The following SYT5 variants were observed in gnomAD, a reference collection of about 807,000 sequenced individuals.
SYT5 encodes the protein synaptotagmin 5.
A neutral mutation model predicts 36.0 loss-of-function variants in SYT5; 29 were observed. The observed-to-expected ratio is 0.81, with a 90% CI of 0.60 to 1.10. The LOEUF (loss-of-function observed/expected upper bound fraction) is 1.10, where lower values mean the gene tolerates loss of function less well. Ranked by LOEUF, SYT5 falls within the 50% of genes least tolerant of loss-of-function variation. The pLI, the probability that SYT5 is intolerant of heterozygous loss-of-function variation, is 0.00. For synonymous variants in SYT5, 231 were observed against 227.6 expected (o/e 1.02, Z -0.14); for missense variants, 512 against 516.0 (o/e 0.99, Z 0.08).
chr19:55,178,121 A>G, intron 3 of SYT5, 75 bp downstream of exon 3: 1 of 1,509,416 alleles, frequency 6.6e-7, no homozygotes, highest in Non-Finnish European at 8.9e-7. Context: ...GGGAGCAGGG[A>G]CTGGGACCAG....
intron 3 of SYT5, 57 bp from the exon 4 acceptor site, chr19:55,176,181 A>G: frequency 6.2e-7 from 1 of 1,609,872 alleles, no homozygotes; most frequent in Non-Finnish European, 8.5e-7. Context: ...AGTATCCATC[A>G]GGCTCAGAAG....
In SYT5 at chr19:55,175,138, G is replaced by A; in HGVS notation, c.708+34C>T. The stretch of plus-strand genomic sequence containing the variant: ...ATGTTGTGGGCGGGACTGGGCCTGG[G>A]GGCGTGGCTCGGGGCGCGACCGCGC... On this transcript the variant is annotated intron_variant, in intron 6 of 8. Coordinates refer to ENST00000354308, the MANE Select transcript of SYT5 (RefSeq NM_003180.3). This position sits in a 1 kb window ranked among gnomAD's most constrained non-coding sequence, Gnocchi z 4.5. 1 of 1,580,488 alleles carries A rather than the reference G, an allele frequency of 6.3e-7. No homozygotes were observed. Among genetic ancestry groups the A allele is most frequent in the Non-Finnish European group, 8.6e-7 (1 of 1,167,698 alleles).
Position 55,179,077 on chromosome 19 carries a change from C to A in SYT5, c.-36G>T. 6.3e-7 allele frequency: 1 copy of A among 1,582,588 alleles called. No individual in the cohort carries two copies. Among genetic ancestry groups the A allele is most frequent in the Non-Finnish European group, 8.6e-7 (1 of 1,166,506 alleles). ...TCCTGGAGTCTTTTCTGCAGAGACACTCAAGCACCCTAGTCCCCCATTCCC... is the reference window on the plus strand; with the variant it reads ...TCCTGGAGTCTTTTCTGCAGAGACAATCAAGCACCCTAGTCCCCCATTCCC... On this transcript the variant is annotated 5_prime_UTR_variant, in exon 2 of 9. Transcript: ENST00000354308. The surrounding 1 kb of genome is among the most constrained non-coding windows in gnomAD (Gnocchi z 4.5).
intron 3 of SYT5, 52 bp from the exon 4 acceptor site, chr19:55,176,176 C>T (rs2086075309): frequency 6.2e-7 from 1 of 1,610,838 alleles, no homozygotes; most frequent in Non-Finnish European, 8.5e-7. Context: ...ATAGCAGTAT[C>T]CATCAGGCTC....
Position 55,179,434 on chromosome 19 carries a change from G to A in SYT5, c.-45-348C>T. 2 of 424,148 alleles carry A rather than the reference G, an allele frequency of 4.7e-6. No individual in the cohort carries two copies. Among genetic ancestry groups the A allele is most frequent in the Non-Finnish European group, 8.1e-6 (2 of 246,588 alleles). 26.3% of individuals were successfully genotyped at this position (424,148 alleles called of 1,614,324 possible). A position where few individuals can be genotyped will look rare whatever the true frequency, so the allele number is the denominator to read the frequency against. ...GCCGGGCTCCTCTCAAGCGGGGTGAGAGCAAAGCTGGTTGCCCGGGCAACG... is the reference window on the plus strand; with the variant it reads ...GCCGGGCTCCTCTCAAGCGGGGTGAAAGCAAAGCTGGTTGCCCGGGCAACG... On this transcript the variant is annotated intron_variant, in intron 1 of 8. Transcript: ENST00000354308. The surrounding 1 kb of genome is among the most constrained non-coding windows in gnomAD (Gnocchi z 4.5).
intron 3 of SYT5, chr19:55,177,604 GCT>G (rs1568878854): frequency 6.6e-6 from 1 of 151,964 alleles, no homozygotes; most frequent in African/African-American, 2.4e-5. Flanking sequence ...ACAGAGTCTC[GCT>G]CTGTCACCCA....
chr19:55,178,375 AG>A lies in SYT5; in HGVS notation c.80-8del, dbSNP rs767431080. Reference sequence around the variant, plus strand: ...GCCAGGGCCCAGGGGGGCACTGCAGAGGGGTGGAGACAACACACATTGAGGC... The same window carrying A: ...GCCAGGGCCCAGGGGGGCACTGCAGAGGGTGGAGACAACACACATTGAGGC... On this transcript the variant is annotated splice_polypyrimidine_tract_variant and splice_region_variant and intron_variant, in intron 2 of 8. Transcript: ENST00000354308. 1 of 1,608,012 alleles carries A rather than the reference AG, an allele frequency of 6.2e-7. No individual in the cohort carries two copies. The highest frequency in any genetic ancestry group is 1.1e-5 in the South Asian group (1 of 89,412).
chr19:55,177,197 A>G (rs2086086014), intron 3 of SYT5: 1 of 152,274 alleles, frequency 6.6e-6, no homozygotes, highest in Admixed American at 6.5e-5. Flanking sequence ...TGCTCAAAAC[A>G]TATTTGTAGC....
intron 3 of SYT5, 114 bp downstream of exon 3, chr19:55,178,082 C>CCACA (rs2086096793): frequency 1.7e-5 from 20 of 1,211,968 alleles, no homozygotes; most frequent in Non-Finnish European, 2.3e-5. Flanking sequence ...GGAGGATGAG[C>CCACA]CAGTAAGGTG....
chr19:55,178,449 G>A lies in SYT5; in HGVS notation c.80-81C>T, dbSNP rs187417658. ...CAGTCCTGATTACACGTGGAAGCTG[G>A]AATGCTGGCCTCCTTTTCCCTCCAG... is the stretch of plus-strand genomic sequence containing the variant. On this transcript the variant is annotated intron_variant, in intron 2 of 8. Transcript: ENST00000354308. 1.6e-4 allele frequency: 233 copies of A among 1,439,058 alleles called. No individual in the cohort carries two copies. The African/African-American group carries it at 2.0e-3, about 12-fold the overall frequency. The allele number at this position is 1,439,058 out of a possible 1,614,324, so 89.1% of individuals were successfully genotyped here.
Position 55,180,235 on chromosome 19 carries a change from G to T in SYT5, c.-164C>A, listed in dbSNP as rs2086139733. 6.6e-6 allele frequency: 1 copy of T among 152,454 alleles called. No individual in the cohort carries two copies. Among genetic ancestry groups the T allele is most frequent in the African/African-American group, 2.4e-5 (1 of 41,468 alleles). 9.4% of individuals were successfully genotyped at this position (152,454 alleles called of 1,614,324 possible). ...CGGGTGCTGATCGCGGAGCTCTCCG[G>T]GGCGGGGGAGCCGCGGAGCGGAGCA... is the stretch of plus-strand genomic sequence containing the variant. On this transcript the variant is annotated 5_prime_UTR_variant, in exon 1 of 9. Coordinates refer to ENST00000354308, the MANE Select transcript of SYT5 (RefSeq NM_003180.3).
chr19:55,175,559 T>A lies in SYT5; in HGVS notation c.540+150A>T. On this transcript the variant is annotated intron_variant, in intron 5 of 8. Coordinates refer to ENST00000354308, the MANE Select transcript of SYT5 (RefSeq NM_003180.3). The surrounding 1 kb of genome is among the most constrained non-coding windows in gnomAD (Gnocchi z 4.5). ...GACCAGGCTACAGCCCAGGAGTCAG[T>A]AGTGCCCAGGGTCCAGTGGAATAGC... 8.5e-7 allele frequency: 1 copy of A among 1,171,044 alleles called. No homozygotes were observed. The highest frequency in any genetic ancestry group is 1.2e-6 in the Non-Finnish European group (1 of 830,346). 72.5% of individuals were successfully genotyped at this position (1,171,044 alleles called of 1,614,324 possible).
In SYT5 at chr19:55,175,161, C is replaced by T; in HGVS notation, c.708+11G>A. 6.3e-7 allele frequency: 1 copy of T among 1,589,266 alleles called. No homozygotes were observed. Among genetic ancestry groups the T allele is most frequent in the Non-Finnish European group, 8.5e-7 (1 of 1,171,244 alleles). On this transcript the variant is annotated intron_variant, in intron 6 of 8. Coordinates refer to ENST00000354308, the MANE Select transcript of SYT5 (RefSeq NM_003180.3). This position sits in a 1 kb window ranked among gnomAD's most constrained non-coding sequence, Gnocchi z 4.5. ...GGGGGCGTGGCTCGGGGCGCGACCG[C>T]GCATGCTCACCTCCTCCCGCGGAGC... is the stretch of plus-strand genomic sequence containing the variant.
At chr19:55,178,825 C>G (rs1599948280) in intron 2 of SYT5, 138 bp downstream of exon 2, 1 of 579,040 alleles carries the variant, frequency 1.7e-6, no homozygotes, top group Admixed American at 7.1e-5. Flanking sequence ...CGTTCGCATT[C>G]CAGTCCAGGA....
rs749946503 is a variant in SYT5 at position 55,179,146 on chromosome 19, A to G, written c.-45-60T>C. On this transcript the variant is annotated intron_variant, in intron 1 of 8. Transcript: ENST00000354308. The surrounding 1 kb of genome is among the most constrained non-coding windows in gnomAD (Gnocchi z 4.5). The stretch of plus-strand genomic sequence containing the variant: ...GCCCCACGCACAACAAAGAACTCCA[A>G]CTCCCATGAGGCCTTTGCGCGAACA... The G allele has an allele frequency of 7.1e-6, 11 of 1,538,532 alleles. No individual in the cohort carries two copies. In the East Asian group the frequency reaches 2.4e-4, roughly 34 times the overall value.
chr19:55,175,451 T>C lies in SYT5; in HGVS notation c.541-112A>G, dbSNP rs78209433. 867 of 1,245,130 alleles carry C rather than the reference T, an allele frequency of 7.0e-4. 8 individuals are homozygous for C. The African/African-American group carries it at 0.012, about 17-fold the overall frequency. The allele number at this position is 1,245,130 out of a possible 1,614,324, so 77.1% of individuals were successfully genotyped here. A position where few individuals can be genotyped will look rare whatever the true frequency, so the allele number is the denominator to read the frequency against. ...AGGCAGCGAGGGTCGAAGCGAACAG[T>C]TGGGGGAACTCAAATGGGAAAGTCC... On this transcript the variant is annotated intron_variant, in intron 5 of 8. Transcript: ENST00000354308. This position sits in a 1 kb window ranked among gnomAD's most constrained non-coding sequence, Gnocchi z 4.5.
In SYT5 at chr19:55,173,805, G is replaced by A; in HGVS notation, c.961-121C>T. On this transcript the variant is annotated intron_variant, in intron 8 of 8. Transcript: ENST00000354308. The surrounding 1 kb of genome is among the most constrained non-coding windows in gnomAD (Gnocchi z 5.4). ...CTGCCACCCGAGGGCTCGGGGCCCC[G>A]GAGCTCGGGACGGGGGAGGGGGTGG... 9.1e-7 allele frequency: 1 copy of A among 1,097,506 alleles called. No individual in the cohort carries two copies. Among genetic ancestry groups the A allele is most frequent in the Non-Finnish European group, 1.2e-6 (1 of 839,932 alleles). 68.0% of individuals were successfully genotyped at this position (1,097,506 alleles called of 1,614,324 possible). A position where few individuals can be genotyped will look rare whatever the true frequency, so the allele number is the denominator to read the frequency against.
In SYT5 at chr19:55,173,177, G is replaced by A; in HGVS notation, c.*307C>T. On this transcript the variant is annotated 3_prime_UTR_variant, in exon 9 of 9. Coordinates refer to ENST00000354308, the MANE Select transcript of SYT5 (RefSeq NM_003180.3). This position sits in a 1 kb window ranked among gnomAD's most constrained non-coding sequence, Gnocchi z 5.4. ...TTGGAAGAGAGAGGAGAGCAGACGA[G>A]GATGGCTGATTGTCAAAGCAGGGGG... The A allele has an allele frequency of 3.0e-6, 1 of 338,518 alleles. No homozygotes were observed. The highest frequency in any genetic ancestry group is 5.3e-6 in the Non-Finnish European group (1 of 187,394). The allele number at this position is 338,518 out of a possible 1,614,324, so 21.0% of individuals were successfully genotyped here.
rs2147330974 is a variant in SYT5, at chr19:55,175,953, GT to G, written c.372+51del. 1 of 1,613,650 alleles carries G rather than the reference GT, an allele frequency of 6.2e-7. No individual in the cohort carries two copies. The highest frequency in any genetic ancestry group is 1.1e-5 in the South Asian group (1 of 91,072). ...CCTTCCATGGCTCCTTTCAGAAGGGGTTGGAACCCCCGGGATCCTCCCTCCA... is the reference window on the plus strand; with the variant it reads ...CCTTCCATGGCTCCTTTCAGAAGGGGTGGAACCCCCGGGATCCTCCCTCCA... On this transcript the variant is annotated intron_variant, in intron 4 of 8. Coordinates refer to ENST00000354308, the MANE Select transcript of SYT5 (RefSeq NM_003180.3). The surrounding 1 kb of genome is among the most constrained non-coding windows in gnomAD (Gnocchi z 4.5).
Sources: gnomAD v4.1 joint callset for allele counts on GRCh38, gnomAD v4.1.1 for gene constraint, Gnocchi (gnomAD v3.1) non-coding constraint, MANE v1.5 for transcripts, NCBI Gene and HGNC (gene_info 2026-07-23, HGNC 2026-07-21) for gene names.